The following DCDC1 variants were observed in gnomAD, a reference collection of about 807,000 sequenced individuals.
The protein encoded by DCDC1 is doublecortin domain-containing protein 1.
A neutral mutation model predicts 178.3 loss-of-function variants in DCDC1; 200 were observed. The observed-to-expected ratio is 1.12, with a 90% CI of 1.00 to 1.26. The LOEUF (loss-of-function observed/expected upper bound fraction) is 1.26. Ranked by LOEUF, DCDC1 falls within the 50% of genes most tolerant of loss-of-function variation. The probability of loss-of-function intolerance (pLI) is 0.00; values close to 1 mark genes in which losing one functional copy is unlikely to be tolerated. For missense variants in DCDC1, 1,983 were observed against 1,749.2 expected (o/e 1.13, Z -2.38); for synonymous variants, 690 against 604.8 (o/e 1.14, Z -2.07).
chr11:31,040,609 C>A (rs1734218458), intron 20 of DCDC1, among the ~76,000 whole-genome samples: 1 of 152,124 alleles, frequency 6.6e-6, no homozygotes, highest in Non-Finnish European at 1.5e-5. Flanking sequence ...TACTGAAAAA[C>A]AAAAGGCGTT....
chr11:31,063,215 G>A (rs1470731658), intron 20 of DCDC1, among the ~76,000 whole-genome samples: 1 of 152,034 alleles, frequency 6.6e-6, no homozygotes, highest in African/African-American at 2.4e-5. Flanking sequence ...GTGCTGGAGA[G>A]GATGTGGAGA....
intron 11 of DCDC1, among the ~76,000 whole-genome samples, 173 bp from the exon 12 acceptor site, chr11:31,110,534 G>C (rs1959138176): frequency 6.6e-6 from 1 of 152,110 alleles, no homozygotes; most frequent in South Asian, 2.1e-4. Flanking sequence ...AAACACATGT[G>C]AGTAAGTAAT....
At chr11:30,995,600 C>T (rs1951220346) in intron 20 of DCDC1, among the ~76,000 whole-genome samples, 1 of 151,892 alleles carries the variant, frequency 6.6e-6, no homozygotes, top group African/African-American at 2.4e-5. Context: ...AGAAATAGGC[C>T]CACAGAAACA....
chr11:31,091,086 TAAC>T (rs999552974), intron 17 of DCDC1, among the ~76,000 whole-genome samples: 4 of 152,172 alleles, frequency 2.6e-5, no homozygotes, highest in African/African-American at 9.7e-5. Flanking sequence ...GTTTGTTAAT[TAAC>T]AATCAAAATG....
chr11:30,903,423 T>C (rs1590299066), intron 32 of DCDC1, 59 bp downstream of exon 32: 2 of 1,381,706 alleles, frequency 1.4e-6, no homozygotes, highest in East Asian at 5.2e-5. Context: ...TAATCATGTT[T>C]AACGTTTTCA....
At chr11:31,017,342 A>C (rs759054564) in intron 20 of DCDC1, among the ~76,000 whole-genome samples, 10 of 152,180 alleles carry the variant, frequency 6.6e-5, no homozygotes, top group Non-Finnish European at 1.3e-4. Context: ...ATGATGATGT[A>C]GCTCCATTTA....
chr11:31,168,789 A>AGT (rs34053385), intron 9 of DCDC1, among the ~76,000 whole-genome samples: 126 of 151,816 alleles, frequency 8.3e-4, no homozygotes, highest in African/African-American at 2.1e-3. Flanking sequence ...AGTAAATGTG[A>AGT]GTGTGTGTGT....
intron 8 of DCDC1, among the ~76,000 whole-genome samples, chr11:31,245,190 T>C (rs1943461133): frequency 6.6e-6 from 1 of 151,388 alleles, no homozygotes; most frequent in East Asian, 1.9e-4. Flanking sequence ...CCCATAGCAT[T>C]CTCTCTCTCT....
At chr11:30,871,715 C>T (rs994619554) in intron 38 of DCDC1, among the ~76,000 whole-genome samples, 76 of 152,016 alleles carry the variant, frequency 5.0e-4, no homozygotes, top group African/African-American at 1.8e-3. Flanking sequence ...AGCTTCAGTA[C>T]CTCAAACCCA....
intron 18 of DCDC1, among the ~76,000 whole-genome samples, chr11:31,066,913 T>C (rs1334796948): frequency 6.6e-6 from 1 of 152,112 alleles, no homozygotes; most frequent in Admixed American, 6.6e-5. Context: ...AATGTACCAC[T>C]CTGGTGTGAG....
intron 9 of DCDC1, among the ~76,000 whole-genome samples, chr11:31,183,789 T>C (rs948508995): frequency 5.9e-5 from 9 of 151,588 alleles, no homozygotes; most frequent in African/African-American, 1.9e-4. Flanking sequence ...GACACAAACA[T>C]TGGATGCTCA....
intron 9 of DCDC1, among the ~76,000 whole-genome samples, chr11:31,140,925 T>C (rs1461476728): frequency 2.6e-5 from 4 of 152,196 alleles, no homozygotes; most frequent in African/African-American, 7.2e-5. Context: ...TTTAGTAATA[T>C]ATAGTTCTTT....
At chr11:30,936,573 G>A (rs1947292074) in intron 21 of DCDC1, among the ~76,000 whole-genome samples, 1 of 152,128 alleles carries the variant, frequency 6.6e-6, no homozygotes, top group Non-Finnish European at 1.5e-5. Context: ...GAAAGTTGAG[G>A]TTGTAAATGA....
At chr11:30,989,543 A>C (rs1377248130) in intron 20 of DCDC1, among the ~76,000 whole-genome samples, 1 of 152,194 alleles carries the variant, frequency 6.6e-6, no homozygotes, top group Non-Finnish European at 1.5e-5. Flanking sequence ...ACCATATTGC[A>C]TCAAAATACA....
In DCDC1 at chr11:31,299,676, C is replaced by T. The variant is rs549017448; in HGVS notation, c.754+5939G>A. On this transcript the variant is annotated intron_variant, in intron 6 of 38. Transcript: ENST00000684477. ...TAGCAAATACCTTTGTTAGTAAAGT[C>T]AGATACGTGTGACAACTTGTATGAA... Among the ~76,000 whole-genome samples the T allele has an allele frequency of 5.9e-5, 9 of 152,168 alleles. No homozygotes were observed. In the East Asian group the frequency reaches 1.5e-3, roughly 26 times the overall value.
At chr11:30,928,985 A>G (rs748605674) in intron 22 of DCDC1, among the ~76,000 whole-genome samples, 4 of 152,056 alleles carry the variant, frequency 2.6e-5, no homozygotes, top group Non-Finnish European at 5.9e-5. Context: ...ATTTGAATAT[A>G]CATCTGCTCA....
At chr11:31,062,649 G>C (rs1590918466) in intron 20 of DCDC1, among the ~76,000 whole-genome samples, 1 of 151,906 alleles carries the variant, frequency 6.6e-6, no homozygotes, top group African/African-American at 2.4e-5. Context: ...AAAGACTTGA[G>C]GTTTAAATAA....
Position 31,127,503 on chromosome 11 carries a change from G to C in DCDC1, c.1451C>G (p.Ala484Gly). ...YVYQHIKSLP[A>G]NTLVPGGLQL... ...CAGGCCTCCTGGGACAAGCGTGTTTGCTGGAAGGCTTTTAATGTGTTGGTA... is the reference window on the plus strand; with the variant it reads ...CAGGCCTCCTGGGACAAGCGTGTTTCCTGGAAGGCTTTTAATGTGTTGGTA... Residue 484 changes from alanine to glycine, a missense_variant, in exon 11 of 39, where the codon GCA (alanine) becomes GGA (glycine). By Grantham distance (60) the Ala-to-Gly change is moderately conservative (BLOSUM62 0). Transcript: ENST00000684477. The C allele has an allele frequency of 1.4e-6, 1 of 702,634 alleles. No homozygotes were observed. The highest frequency in any genetic ancestry group is 1.5e-5 in the South Asian group (1 of 67,596). 43.5% of individuals were successfully genotyped at this position (702,634 alleles called of 1,614,324 possible). A position where few individuals can be genotyped will look rare whatever the true frequency, so the allele number is the denominator to read the frequency against.
intron 20 of DCDC1, among the ~76,000 whole-genome samples, chr11:31,022,605 C>A (rs1952945775): frequency 7.1e-6 from 1 of 140,912 alleles, no homozygotes. Context: ...CAGATTGGTA[C>A]CTTTACAGTC....
Sources: gnomAD v4.1 joint callset for allele counts (sites outside exome capture counted in the v4.1 genomes callset) on GRCh38, gnomAD v4.1.1 for gene constraint, MANE v1.5 for transcripts, NCBI Gene and HGNC (gene_info 2026-07-23, HGNC 2026-07-21) for gene names.